SLC37A3: variants seen among roughly 807,000 people sequenced by gnomAD.
The protein encoded by SLC37A3 is sugar phosphate exchanger 3.
Under a neutral mutation model 67.1 loss-of-function variants are expected in SLC37A3, and 51 were observed. That is an observed-to-expected ratio of 0.76 (90% confidence interval 0.61 to 0.96). The LOEUF (loss-of-function observed/expected upper bound fraction) is 0.96, where lower values mean the gene tolerates loss of function less well. Among genes scored for constraint, SLC37A3 ranks in the 40% least tolerant of loss-of-function variants. The pLI is 0.00. For synonymous variants in SLC37A3, 214 were observed against 231.4 expected (o/e 0.92, Z 0.68); for missense variants, 508 against 603.0 (o/e 0.84, Z 1.65).
chr7:140,341,294 A>G (rs184180669), intron 13 of SLC37A3, among the ~76,000 whole-genome samples: 5 of 152,180 alleles, frequency 3.3e-5, no homozygotes, highest in East Asian at 3.9e-4. Context: ...ACTGCAATTT[A>G]ATCTTACTGA....
chr7:140,345,202 GC>G lies in SLC37A3; in HGVS notation c.1174+13del. On this transcript the variant is annotated intron_variant, in intron 12 of 14. Transcript: ENST00000326232. ...AGCAACAGAAGCATGGTGGAGCAGA[GC>G]CATGTGCCGTACCTGTAACAGTCAT... The G allele has an allele frequency of 6.2e-7, 1 of 1,610,580 alleles. No individual in the cohort carries two copies. Among genetic ancestry groups the G allele is most frequent in the Non-Finnish European group, 8.5e-7 (1 of 1,176,936 alleles).
In SLC37A3 at chr7:140,345,944, C is replaced by A. The variant is rs776745681; in HGVS notation, c.1051G>T (p.Asp351Tyr). ...ACCGGCGCTCTCTTCTGTAGTACAT[C>A]AGAGATGAAGCCTTGCAAAGTTCCA... ...IGGTLQGFISDVLQKRAPVLA... is the reference protein window; with the variant it reads ...IGGTLQGFISYVLQKRAPVLA... Residue 351 changes from aspartate to tyrosine, a missense_variant, in exon 11 of 15, where the codon GAT (aspartate) becomes TAT (tyrosine). Asp to Tyr is a radical substitution (Grantham distance 160). Transcript: ENST00000326232. The A allele has an allele frequency of 3.7e-6, 6 of 1,613,848 alleles. No homozygotes were observed. The highest frequency in any genetic ancestry group is 2.2e-5 in the East Asian group (1 of 44,870).
chr7:140,365,856 C>G (rs1224882102), intron 4 of SLC37A3, among the ~76,000 whole-genome samples: 1 of 148,188 alleles, frequency 6.7e-6, no homozygotes, highest in Non-Finnish European at 1.5e-5. Context: ...TGGACTTATG[C>G]TACACAGAAC....
intron 3 of SLC37A3, among the ~76,000 whole-genome samples, chr7:140,371,277 G>A (rs1453898181): frequency 1.3e-5 from 2 of 152,212 alleles, no homozygotes; most frequent in African/African-American, 4.8e-5. Flanking sequence ...CTGGGTGCAA[G>A]TGATTCTCCT....
chr7:140,382,013 C>CA lies in SLC37A3; in HGVS notation c.89+424dup, dbSNP rs35848661. ...TGGGCGACAAAGTGATACTCCGTCT[C>CA]AAAAAAAAAAAAAAAAAGTGAGATA... On this transcript the variant is annotated intron_variant, in intron 2 of 14. Transcript: ENST00000326232. Among the ~76,000 whole-genome samples the CA allele has an allele frequency of 3.1e-3, 279 of 90,600 alleles. 6 individuals are homozygous for CA. In the South Asian group the frequency reaches 0.054, roughly 18 times the overall value. The allele number at this position is 90,600 out of a possible 152,430, so 59.4% of individuals were successfully genotyped here. A position where few individuals can be genotyped will look rare whatever the true frequency, so the allele number is the denominator to read the frequency against.
In SLC37A3 at chr7:140,398,497, C is replaced by G. The variant is rs1414548889; in HGVS notation, c.-152G>C. ...TGGCTCCGCTGCCCGCCTCCCCCGC[C>G]GCCAGCTCACCCCTGGCGGTGCGAC... On this transcript the variant is annotated 5_prime_UTR_variant, in exon 1 of 15. Transcript: ENST00000326232. The G allele has an allele frequency of 6.6e-6, 1 of 152,236 alleles. No individual in the cohort carries two copies. Among genetic ancestry groups the G allele is most frequent in the African/African-American group, 2.4e-5 (1 of 41,440 alleles). 9.4% of individuals were successfully genotyped at this position (152,236 alleles called of 1,614,324 possible).
intron 3 of SLC37A3, among the ~76,000 whole-genome samples, chr7:140,378,179 C>T (rs546579037): frequency 1.3e-5 from 2 of 152,154 alleles, no homozygotes; most frequent in South Asian, 4.1e-4. Context: ...TACCTGAAAT[C>T]CCACAATTAG....
intron 1 of SLC37A3, among the ~76,000 whole-genome samples, chr7:140,394,640 G>A (rs1235140818): frequency 1.8e-4 from 27 of 146,342 alleles, no homozygotes; most frequent in African/African-American, 4.7e-4. Context: ...ACAGGGTCTC[G>A]CTCTGTCGCC....
At chr7:140,380,897 C>CTTCTTCT (rs57748652) in intron 2 of SLC37A3, among the ~76,000 whole-genome samples, 2 of 125,852 alleles carry the variant, frequency 1.6e-5, no homozygotes, top group Admixed American at 1.7e-4. Context: ...TCTTCTTCTT[C>CTTCTTCT]TTTTTTTTTT....
chr7:140,369,015 G>A (rs1220947176), intron 4 of SLC37A3, among the ~76,000 whole-genome samples: 1 of 152,048 alleles, frequency 6.6e-6, no homozygotes, highest in East Asian at 1.9e-4. Context: ...AAACCTTCCA[G>A]CAGCTCCCAT....
Position 140,380,369 on chromosome 7 carries a change from T to C in SLC37A3, c.111A>G (p.Ser37=), listed in dbSNP as rs777912336. 4 of 1,612,806 alleles carry C rather than the reference T, an allele frequency of 2.5e-6. No individual in the cohort carries two copies. The highest frequency in any genetic ancestry group is 4.5e-5 in the East Asian group (2 of 44,870). ...CTTTGACATTGCTAAATGTTTTTCG[T>C]GAAGCATGGAGCAACGAATAACTAC... is the stretch of plus-strand genomic sequence containing the variant. ...TFFSYSLLHA[S]RKTFSNVKVS... Residue 37 remains serine, a synonymous_variant, in exon 3 of 15, where the codon TCA becomes TCG. Coordinates refer to ENST00000326232, the MANE Select transcript of SLC37A3 (RefSeq NM_207113.3).
At chr7:140,351,149 C>T (rs754067044) in intron 9 of SLC37A3, 124 bp downstream of exon 9, 11 of 933,528 alleles carry the variant, frequency 1.2e-5, no homozygotes, top group East Asian at 2.7e-5. Flanking sequence ...TTCCTCAGCA[C>T]GTATATTCCT....
intron 9 of SLC37A3, among the ~76,000 whole-genome samples, chr7:140,348,982 A>T (rs756884508): frequency 8.5e-5 from 13 of 152,200 alleles, no homozygotes; most frequent in Non-Finnish European, 1.6e-4. Flanking sequence ...CATGTACAGC[A>T]GGCCTTTGGA....
chr7:140,389,506 C>T (rs1798641756), intron 1 of SLC37A3, among the ~76,000 whole-genome samples: 1 of 152,172 alleles, frequency 6.6e-6, no homozygotes, highest in Non-Finnish European at 1.5e-5. Context: ...TTTAAAAACT[C>T]TGATCCCCGA....
intron 11 of SLC37A3, 49 bp from the exon 12 acceptor site, chr7:140,345,312 C>T: frequency 1.3e-6 from 2 of 1,489,570 alleles, no homozygotes; most frequent in Non-Finnish European, 1.9e-6. Context: ...AAGCAGACTC[C>T]ACGTGCCTCT....
At chr7:140,341,452 GA>G (rs1478293889) in intron 13 of SLC37A3, among the ~76,000 whole-genome samples, 1 of 152,128 alleles carries the variant, frequency 6.6e-6, no homozygotes, top group Non-Finnish European at 1.5e-5. Flanking sequence ...ACCTGAAGAA[GA>G]AACAATTCTT....
intron 3 of SLC37A3, among the ~76,000 whole-genome samples, chr7:140,373,539 C>T (rs1797904388): frequency 6.6e-6 from 1 of 152,124 alleles, no homozygotes; most frequent in Admixed American, 6.6e-5. Flanking sequence ...TATCACTTAT[C>T]AAAATTTCAC....
chr7:140,335,351 A>G lies in SLC37A3; in HGVS notation c.*61T>C. 6.2e-7 allele frequency: 1 copy of G among 1,613,856 alleles called. No individual in the cohort carries two copies. Among genetic ancestry groups the G allele is most frequent in the Non-Finnish European group, 8.5e-7 (1 of 1,179,978 alleles). The stretch of plus-strand genomic sequence containing the variant: ...CCTAGACAAACCCAAATTAGGGCAG[A>G]CTCGAAGCCCCAGCGGTCCTGATGT... On this transcript the variant is annotated 3_prime_UTR_variant, in exon 15 of 15. Coordinates refer to ENST00000326232, the MANE Select transcript of SLC37A3 (RefSeq NM_207113.3).
chr7:140,362,122 C>T (rs1408526789), intron 5 of SLC37A3, among the ~76,000 whole-genome samples: 5 of 138,368 alleles, frequency 3.6e-5, no homozygotes, highest in African/African-American at 1.1e-4. Context: ...TCTTCCCGGC[C>T]GCCATCCCAT....
Sources: gnomAD v4.1 joint callset for allele counts (sites outside exome capture counted in the v4.1 genomes callset) on GRCh38, gnomAD v4.1.1 for gene constraint, MANE v1.5 for transcripts, NCBI Gene and HGNC (gene_info 2026-07-23, HGNC 2026-07-21) for gene names.